Variants in SLC5A4 observed in about 807,000 individuals in gnomAD.
SLC5A4 encodes the protein probable glucose sensor protein SLC5A4.
In SLC5A4, 55 loss-of-function variants were observed where a neutral mutation model predicts 70.3. That is an observed-to-expected ratio of 0.78 (90% confidence interval 0.63 to 0.98). The LOEUF is 0.98. Among genes scored for constraint, SLC5A4 ranks in the 50% least tolerant of loss-of-function variants. The pLI is 0.00. For missense variants in SLC5A4, 735 were observed against 839.2 expected (o/e 0.88, Z 1.53); for synonymous variants, 268 against 305.7 (o/e 0.88, Z 1.29).
the SLC5A4 span, among the ~76,000 whole-genome samples, chr22:32,330,846 G>A: frequency 4.6e-5 from 6 of 130,198 alleles, no homozygotes; most frequent in Non-Finnish European, 6.6e-5. Context: ...GTGTGTTGGG[G>A]GCTCTGGTGT....
the SLC5A4 span, among the ~76,000 whole-genome samples, chr22:32,341,153 A>G: frequency 3.3e-5 from 5 of 152,080 alleles, no homozygotes; most frequent in Admixed American, 3.3e-4. Context: ...TCTGCAATGA[A>G]CAGCTAGTCT....
chr22:32,271,854 GC>G, the SLC5A4 span: 1 of 607,686 alleles, frequency 1.6e-6, no homozygotes, highest in African/African-American at 1.8e-5. Flanking sequence ...ATCCCGCTGT[GC>G]TGCACGGTCC....
the SLC5A4 span, among the ~76,000 whole-genome samples, chr22:32,305,374 T>C: frequency 3.8e-5 from 5 of 132,858 alleles, 1 homozygote; most frequent in African/African-American, 1.5e-4. Context: ...CTGCCTTGTG[T>C]ACCTGCTGAT....
At chr22:32,319,167 C>G in the SLC5A4 span, among the ~76,000 whole-genome samples, 74,483 of 151,758 alleles carry the variant, frequency 0.49, 18,708 homozygotes, top group East Asian at 0.72. Flanking sequence ...GCTCTCCTGG[C>G]TCTCAGGCCC....
chr22:32,307,067 ACCAAC>A, the SLC5A4 span, among the ~76,000 whole-genome samples: 2 of 152,196 alleles, frequency 1.3e-5, no homozygotes, highest in South Asian at 4.2e-4. Context: ...ACCTCATTGT[ACCAAC>A]CCAAGGGTAA....
the SLC5A4 span, among the ~76,000 whole-genome samples, chr22:32,301,425 A>T: frequency 2.0e-5 from 3 of 152,252 alleles, no homozygotes; most frequent in African/African-American, 7.2e-5. Flanking sequence ...GATGTTAAAT[A>T]GTTTCATGTA....
chr22:32,259,872 G>C (rs908486306), upstream of SLC5A4, among the ~76,000 whole-genome samples: 1 of 152,184 alleles, frequency 6.6e-6, no homozygotes, highest in Admixed American at 6.5e-5. Flanking sequence ...ATTGGGAGAA[G>C]GGAGTATTCA....
intron 5 of SLC5A4, among the ~76,000 whole-genome samples, chr22:32,239,544 A>T (rs867482720): frequency 0.016 from 205 of 12,570 alleles, 13 homozygotes; most frequent in Middle Eastern, 0.05. Flanking sequence ...ATATATATAT[A>T]TATATATATA....
chr22:32,308,886 G>A, the SLC5A4 span, among the ~76,000 whole-genome samples: 96,976 of 152,046 alleles, frequency 0.64, 31,062 homozygotes, highest in East Asian at 0.7. Context: ...GTTTTCAATT[G>A]AGGCCTGTTG....
At chr22:32,320,984 C>T in the SLC5A4 span, among the ~76,000 whole-genome samples, 1 of 152,332 alleles carries the variant, frequency 6.6e-6, no homozygotes, top group Non-Finnish European at 1.5e-5. Context: ...GCATGAGCTG[C>T]TTCTTTTTAA....
In SLC5A4 at chr22:32,220,828, C is replaced by T. The variant is rs556522403; in HGVS notation, c.1768+92G>A. On this transcript the variant is annotated intron_variant, in intron 14 of 14. Coordinates refer to ENST00000266086, the MANE Select transcript of SLC5A4 (RefSeq NM_014227.3). Reference sequence around the variant, plus strand: ...TTTGTCATAAATCTAACAGCCTTTTCGGAAGCTGGATTTAATGACATTAAA... The same window carrying T: ...TTTGTCATAAATCTAACAGCCTTTTTGGAAGCTGGATTTAATGACATTAAA... 1.5e-4 allele frequency: 130 copies of T among 858,848 alleles called. No individual in the cohort carries two copies. The African/African-American group carries it at 1.6e-3, about 11-fold the overall frequency. 53.2% of individuals were successfully genotyped at this position (858,848 alleles called of 1,614,324 possible). A position where few individuals can be genotyped will look rare whatever the true frequency, so the allele number is the denominator to read the frequency against.
intron 4 of SLC5A4, among the ~76,000 whole-genome samples, chr22:32,248,045 T>C (rs924993342): frequency 5.9e-5 from 9 of 152,172 alleles, no homozygotes; most frequent in Admixed American, 3.3e-4. Context: ...AGGGGCACCA[T>C]TGATTTCCCC....
the SLC5A4 span, among the ~76,000 whole-genome samples, chr22:32,308,523 A>C: frequency 2.0e-5 from 3 of 152,228 alleles, no homozygotes; most frequent in East Asian, 1.9e-4. Flanking sequence ...ACCTGAAGAG[A>C]GCTTTTGGGA....
the SLC5A4 span, among the ~76,000 whole-genome samples, chr22:32,326,888 G>A: frequency 2.0e-5 from 3 of 152,188 alleles, no homozygotes; most frequent in African/African-American, 7.2e-5. Context: ...CCTTGCATCT[G>A]GAAGGGGCCA....
chr22:32,308,864 A>C, the SLC5A4 span, among the ~76,000 whole-genome samples: 1 of 152,128 alleles, frequency 6.6e-6, no homozygotes, highest in South Asian at 2.1e-4. Context: ...GCATGTGTGC[A>C]TGTATGTACT....
chr22:32,321,699 A>G, the SLC5A4 span, among the ~76,000 whole-genome samples: 91 of 152,252 alleles, frequency 6.0e-4, no homozygotes, highest in African/African-American at 2.0e-3. Flanking sequence ...GCTCCCGCTT[A>G]TAAGTGAGAG....
At chr22:32,352,377 A>C in the SLC5A4 span, among the ~76,000 whole-genome samples, 1 of 151,596 alleles carries the variant, frequency 6.6e-6, no homozygotes, top group African/African-American at 2.4e-5. Context: ...TGTAACAAAC[A>C]TGCACGTTGT....
the SLC5A4 span, among the ~76,000 whole-genome samples, chr22:32,284,302 C>G: frequency 6.6e-6 from 1 of 152,202 alleles, no homozygotes; most frequent in Non-Finnish European, 1.5e-5. Flanking sequence ...CTCATTTGGA[C>G]AGTTGTTCAG....
the SLC5A4 span, among the ~76,000 whole-genome samples, chr22:32,305,202 A>T: frequency 6.7e-6 from 1 of 149,552 alleles, no homozygotes; most frequent in African/African-American, 2.5e-5. Context: ...CTCTTTAAAA[A>T]TTTTCCTGTA....
Sources: allele counts gnomAD v4.1 joint callset (sites outside exome capture counted in the v4.1 genomes callset), GRCh38; gene constraint gnomAD v4.1.1; transcripts MANE v1.5; gene names NCBI Gene and HGNC (gene_info 2026-07-23, HGNC 2026-07-21).